The following CTSC variants were observed in gnomAD, a reference collection of about 807,000 sequenced individuals.
The protein encoded by CTSC is dipeptidyl peptidase 1.
A neutral mutation model predicts 40.9 loss-of-function variants in CTSC; 37 were observed. The ratio of observed to expected loss-of-function variants is 0.91; its 90% CI spans 0.70 to 1.19. CTSC has a LOEUF of 1.19. Among genes scored for constraint, CTSC ranks in the 50% most tolerant of loss-of-function variants. The probability of loss-of-function intolerance (pLI) is 0.00; values close to 1 mark genes in which losing one functional copy is unlikely to be tolerated. For synonymous variants in CTSC, 232 were observed against 207.4 expected, an observed-to-expected ratio of 1.12 and a Z score of -1.02; for missense variants, 594 against 567.3, an observed-to-expected ratio of 1.05 and a Z score of -0.48.
intron 4 of CTSC, among the ~76,000 whole-genome samples, chr11:88,306,156 C>G (rs74951709): frequency 6.6e-6 from 1 of 152,246 alleles, no homozygotes; most frequent in South Asian, 2.1e-4. Flanking sequence ...GCAAAAGATT[C>G]TTTTAAGAAA....
intron 2 of CTSC, among the ~76,000 whole-genome samples, chr11:88,333,978 G>T (rs555154069): frequency 1.3e-5 from 2 of 152,138 alleles, no homozygotes; most frequent in South Asian, 4.2e-4. Flanking sequence ...TGCTTGGACC[G>T]CCATAACCTT....
rs1410470245 is a variant in CTSC, at chr11:88,306,863, A to G, written c.641+2300T>C. On this transcript the variant is annotated intron_variant, in intron 4 of 6. Transcript: ENST00000227266. ...CTAAGCTGAAAGAGCACACTGTAAC[A>G]CATGCCCACTTGGGCTTCAGGAGTC... is the stretch of plus-strand genomic sequence containing the variant. Among the ~76,000 whole-genome samples the G allele has an allele frequency of 2.6e-5, 4 of 152,318 alleles. No homozygotes were observed. The East Asian group carries it at 7.7e-4, about 29-fold the overall frequency.
At chr11:88,319,122 T>A (rs1426312458) in intron 2 of CTSC, among the ~76,000 whole-genome samples, 1 of 152,136 alleles carries the variant, frequency 6.6e-6, no homozygotes, top group East Asian at 1.9e-4. Flanking sequence ...CTTATCTGAA[T>A]TAATCAGGCT....
At chr11:88,318,597 A>G (rs145316000) in intron 2 of CTSC, among the ~76,000 whole-genome samples, 1 of 152,184 alleles carries the variant, frequency 6.6e-6, no homozygotes, top group South Asian at 2.1e-4. Context: ...TAACTCCCAT[A>G]TATATTTCTA....
At chr11:88,306,256 T>C (rs536029671) in intron 4 of CTSC, among the ~76,000 whole-genome samples, 1 of 152,246 alleles carries the variant, frequency 6.6e-6, no homozygotes, top group East Asian at 1.9e-4. Context: ...TTAGCATTAT[T>C]AGTCTGCAGA....
Position 88,329,455 on chromosome 11 carries a change from C to CAA in CTSC, c.318+5480_318+5481dup, listed in dbSNP as rs34568364. ...TGGGAGACAGAGCTAGACTCCATTT[C>CAA]AAAAAAAAAAAAAAAAAAAAAAAAA... is the stretch of plus-strand genomic sequence containing the variant. On this transcript the variant is annotated intron_variant, in intron 2 of 6. Coordinates refer to ENST00000227266, the MANE Select transcript of CTSC (RefSeq NM_001814.6). Among the ~76,000 whole-genome samples, 140 of 67,878 alleles carry CAA rather than the reference C, an allele frequency of 2.1e-3. 3 individuals carry two copies. The highest frequency in any genetic ancestry group is 3.1e-3 in the African/African-American group (54 of 17,692). 44.5% of individuals were successfully genotyped at this position (67,878 alleles called of 152,430 possible).
chr11:88,337,625 G>T lies in CTSC; in HGVS notation c.48C>A (p.Leu16=). The T allele has an allele frequency of 1.3e-6, 2 of 1,584,286 alleles. No individual in the cohort carries two copies. Among genetic ancestry groups the T allele is most frequent in the Non-Finnish European group, 1.7e-6 (2 of 1,164,678 alleles). Reference sequence around the variant, plus strand: ...CGCAGCGCACGGCGCCGTCGCCGGAGAGAAGCAGCAGGAGGGCGGCGAGCA... The same window carrying T: ...CGCAGCGCACGGCGCCGTCGCCGGATAGAAGCAGCAGGAGGGCGGCGAGCA... ...SLLLAALLLL[L]SGDGAVRCDT... Residue 16 remains leucine (L), a synonymous_variant, in exon 1 of 7, where the codon CTC becomes CTA. Transcript: ENST00000227266.
chr11:88,310,357 A>T (rs1937725358), intron 3 of CTSC, among the ~76,000 whole-genome samples: 1 of 152,158 alleles, frequency 6.6e-6, no homozygotes, highest in Admixed American at 6.5e-5. Flanking sequence ...CTTAATTAAA[A>T]CATTTATCAT....
intron 2 of CTSC, among the ~76,000 whole-genome samples, chr11:88,312,914 C>T (rs1937795273): frequency 6.6e-6 from 1 of 152,146 alleles, no homozygotes; most frequent in Non-Finnish European, 1.5e-5. Context: ...ATGATAATAA[C>T]CACATTTTAC....
rs537203171 is a variant in CTSC at position 88,310,704 on chromosome 11, T to C, written c.486-1386A>G. Among the ~76,000 whole-genome samples the C allele has an allele frequency of 3.0e-4, 46 of 152,324 alleles. 1 individual carries two copies. Among genetic ancestry groups the C allele is most frequent in the Middle Eastern group, 6.8e-3 (2 of 294 alleles). On this transcript the variant is annotated intron_variant, in intron 3 of 6. Transcript: ENST00000227266. ...GTGTGAAAAACCCAGAGACGTACCC[T>C]TATCAAGCAGATTATAAAACTGTAT...
intron 2 of CTSC, chr11:88,321,965 G>C (rs1432390030): frequency 1.3e-5 from 2 of 152,118 alleles, no homozygotes; most frequent in African/African-American, 4.8e-5. Context: ...ACATGAGATG[G>C]TATCTCATTG....
intron 1 of CTSC, among the ~76,000 whole-genome samples, chr11:88,336,215 G>A (rs1428935436): frequency 1.4e-5 from 2 of 142,788 alleles, no homozygotes; most frequent in African/African-American, 5.3e-5. Context: ...ATCTCTTTCT[G>A]CCCCAACCTT....
At chr11:88,319,367 G>T (rs1294271714) in intron 2 of CTSC, among the ~76,000 whole-genome samples, 1 of 151,954 alleles carries the variant, frequency 6.6e-6, no homozygotes, top group Admixed American at 6.6e-5. Context: ...GTTAAAATTT[G>T]TCTATTAAAA....
chr11:88,326,064 T>C (rs1938174110), intron 2 of CTSC: 1 of 1,139,118 alleles, frequency 8.8e-7, no homozygotes, highest in East Asian at 4.5e-5. Context: ...AGAAGGGATT[T>C]CAAAAGAGAA....
intron 2 of CTSC, among the ~76,000 whole-genome samples, chr11:88,332,737 C>T (rs1237554202): frequency 2.6e-5 from 4 of 152,058 alleles, no homozygotes; most frequent in African/African-American, 9.7e-5. Context: ...AAAACATGGC[C>T]CTGATAATGG....
chr11:88,322,816 T>G (rs1346182907), intron 2 of CTSC: 1 of 152,114 alleles, frequency 6.6e-6, no homozygotes, highest in African/African-American at 2.4e-5. Flanking sequence ...CCAGATGGAT[T>G]TACAGTTGAA....
chr11:88,333,466 A>G (rs544926051), intron 2 of CTSC, among the ~76,000 whole-genome samples: 2 of 152,368 alleles, frequency 1.3e-5, no homozygotes, highest in Admixed American at 1.3e-4. Context: ...GGTTTATGGT[A>G]CATGGTAACA....
chr11:88,293,815 A>T lies in CTSC; in HGVS notation c.*191T>A, dbSNP rs1944267369. 1.5e-6 allele frequency: 1 copy of T among 652,610 alleles called. No homozygotes were observed. Among genetic ancestry groups the T allele is most frequent in the East Asian group, 2.8e-5 (1 of 36,062 alleles). The allele number at this position is 652,610 out of a possible 1,614,324, so 40.4% of individuals were successfully genotyped here. On this transcript the variant is annotated 3_prime_UTR_variant, in exon 7 of 7. Transcript: ENST00000227266. ...AAAATTCCCACTTAATTGAATACTT[A>T]GAAAAAAATGGCCAGTGGCCGATTG...
chr11:88,311,453 G>A (rs1307050558), intron 3 of CTSC, among the ~76,000 whole-genome samples: 2 of 152,112 alleles, frequency 1.3e-5, no homozygotes, highest in Non-Finnish European at 2.9e-5. Context: ...TACATTTTTA[G>A]TGGCTTTTAC....
Sources: allele counts gnomAD v4.1 joint callset (sites outside exome capture counted in the v4.1 genomes callset), GRCh38; gene constraint gnomAD v4.1.1; transcripts MANE v1.5; gene names NCBI Gene and HGNC (gene_info 2026-07-23, HGNC 2026-07-21).